Variants in GALNT17 observed in about 807,000 individuals in gnomAD.
The protein encoded by GALNT17 is polypeptide N-acetylgalactosaminyltransferase 17, also known as UDP-GalNAc:polypeptide N-acetylgalactosaminyltransferase-like 3.
Under a neutral mutation model 63.7 loss-of-function variants are expected in GALNT17, and 29 were observed. The observed-to-expected ratio is 0.46, with a 90% CI of 0.34 to 0.62. The LOEUF (loss-of-function observed/expected upper bound fraction) is 0.62, where lower values mean the gene tolerates loss of function less well. Ranked by LOEUF, GALNT17 falls within the 20% of genes least tolerant of loss-of-function variation. The pLI, the probability that GALNT17 is intolerant of heterozygous loss-of-function variation, is 0.01. For synonymous variants in GALNT17, 305 were observed against 318.3 expected (o/e 0.96, Z 0.45); for missense variants, 603 against 799.6 (o/e 0.75, Z 2.97).
At chr7:71,389,512 A>AC (rs921985707) in intron 3 of GALNT17, among the ~76,000 whole-genome samples, 3 of 151,584 alleles carry the variant, frequency 2.0e-5, no homozygotes, top group Admixed American at 6.6e-5. Flanking sequence ...ATCTCCCCTG[A>AC]CCCCCATGTT....
chr7:71,248,960 G>T (rs1470785087), intron 1 of GALNT17, among the ~76,000 whole-genome samples: 3 of 96,218 alleles, frequency 3.1e-5, no homozygotes, highest in African/African-American at 8.8e-5. Context: ...TAGATATGTT[G>T]TAAGAAATAG....
intron 2 of GALNT17, among the ~76,000 whole-genome samples, chr7:71,364,158 T>A (rs928063626): frequency 2.6e-5 from 4 of 152,124 alleles, no homozygotes; most frequent in Non-Finnish European, 4.4e-5. Flanking sequence ...TCACCTCCCC[T>A]CCCACTTTTA....
chr7:71,413,691 C>T (rs1793473120), intron 3 of GALNT17, among the ~76,000 whole-genome samples: 1 of 152,040 alleles, frequency 6.6e-6, no homozygotes, highest in Non-Finnish European at 1.5e-5. Context: ...CGATTGTAAG[C>T]ATCTTGAGGG....
At chr7:71,395,392 C>A (rs1793120408) in intron 3 of GALNT17, among the ~76,000 whole-genome samples, 2 of 152,144 alleles carry the variant, frequency 1.3e-5, no homozygotes, top group South Asian at 4.1e-4. Flanking sequence ...AAGGTTCAAC[C>A]AAATTGTGGC....
chr7:71,225,044 C>G (rs1335001269), intron 1 of GALNT17, among the ~76,000 whole-genome samples: 1 of 152,138 alleles, frequency 6.6e-6, no homozygotes, highest in Non-Finnish European at 1.5e-5. Flanking sequence ...TCTCTGCTCA[C>G]TGCAACCTCC....
chr7:71,205,973 A>T (rs1279169507), intron 1 of GALNT17, among the ~76,000 whole-genome samples: 1 of 151,526 alleles, frequency 6.6e-6, no homozygotes, highest in Non-Finnish European at 1.5e-5. Flanking sequence ...TTGATATGAC[A>T]CTGAGCCACT....
At chr7:71,413,514 C>T (rs971776818) in intron 3 of GALNT17, among the ~76,000 whole-genome samples, 9 of 149,922 alleles carry the variant, frequency 6.0e-5, no homozygotes, top group African/African-American at 1.5e-4. Flanking sequence ...TACAGGTACC[C>T]GCCACCATGC....
chr7:71,699,262 G>A (rs934775414), intron 9 of GALNT17, among the ~76,000 whole-genome samples: 1 of 150,296 alleles, frequency 6.7e-6, no homozygotes, highest in African/African-American at 2.4e-5. Flanking sequence ...GGTGGATCAC[G>A]AGGTCAAGAT....
chr7:71,619,658 ACT>A (rs1790264179), intron 6 of GALNT17, among the ~76,000 whole-genome samples: 1 of 152,170 alleles, frequency 6.6e-6, no homozygotes, highest in Non-Finnish European at 1.5e-5. Context: ...CTGAAACTTT[ACT>A]TAAGTCGTTT....
chr7:71,436,017 C>G (rs1343657420), intron 5 of GALNT17, among the ~76,000 whole-genome samples: 4 of 96,570 alleles, frequency 4.1e-5, no homozygotes, highest in African/African-American at 6.2e-5. Flanking sequence ...GAGACTCCTT[C>G]TCAAAAAAAA....
At chr7:71,682,631 A>G (rs1791285216) in intron 9 of GALNT17, among the ~76,000 whole-genome samples, 1 of 151,744 alleles carries the variant, frequency 6.6e-6, no homozygotes, top group African/African-American at 2.4e-5. Context: ...TGCAGCCTTG[A>G]CCTCCTAGGC....
chr7:71,547,630 T>C (rs1789008191), intron 5 of GALNT17, among the ~76,000 whole-genome samples: 1 of 152,102 alleles, frequency 6.6e-6, no homozygotes, highest in Non-Finnish European at 1.5e-5. Context: ...GGTTTCAGCC[T>C]GCAGCAGGAG....
intron 3 of GALNT17, among the ~76,000 whole-genome samples, chr7:71,409,017 AACACACACACACACACAC>A (rs10674037): frequency 1.4e-5 from 2 of 144,868 alleles, no homozygotes; most frequent in South Asian, 4.5e-4. Flanking sequence ...CACATACACA[AACACACACACACACACAC>A]ACACACACAC....
chr7:71,165,246 A>G (rs1462179128), intron 1 of GALNT17, among the ~76,000 whole-genome samples: 1 of 152,216 alleles, frequency 6.6e-6, no homozygotes, highest in Non-Finnish European at 1.5e-5. Flanking sequence ...TGAAGTACCC[A>G]GGGTGGTTTG....
At chr7:71,596,151 G>C (rs189698915) in intron 6 of GALNT17, among the ~76,000 whole-genome samples, 1 of 152,198 alleles carries the variant, frequency 6.6e-6, no homozygotes, top group Non-Finnish European at 1.5e-5. Context: ...CAATTCTCCT[G>C]CCTCAGCCTC....
intron 5 of GALNT17, among the ~76,000 whole-genome samples, chr7:71,505,692 C>T (rs183364450): frequency 3.3e-5 from 5 of 152,328 alleles, no homozygotes; most frequent in African/African-American, 9.6e-5. Flanking sequence ...CCATGTGCTT[C>T]TCCTGCCATG....
chr7:71,455,533 T>C (rs1314701242), intron 5 of GALNT17, among the ~76,000 whole-genome samples: 2 of 151,856 alleles, frequency 1.3e-5, no homozygotes, highest in Admixed American at 1.3e-4. Context: ...TTAATAAGTC[T>C]GTATCCATCT....
chr7:71,449,418 A>AT (rs1210421148), intron 5 of GALNT17, among the ~76,000 whole-genome samples: 4 of 151,796 alleles, frequency 2.6e-5, no homozygotes, highest in Admixed American at 6.6e-5. Flanking sequence ...ACATTATGTG[A>AT]TTTTTTTTAA....
At chr7:71,169,900 G>GT (rs1302575946) in intron 1 of GALNT17, among the ~76,000 whole-genome samples, 2 of 152,010 alleles carry the variant, frequency 1.3e-5, no homozygotes, top group Non-Finnish European at 2.9e-5. Flanking sequence ...CTTTTTGTAT[G>GT]TGAGTGCAAG....
Sources: gnomAD v4.1 joint callset for allele counts (sites outside exome capture counted in the v4.1 genomes callset) on GRCh38, gnomAD v4.1.1 for gene constraint, MANE v1.5 for transcripts, NCBI Gene and HGNC (gene_info 2026-07-23, HGNC 2026-07-21) for gene names.